ITGA9: variants seen among roughly 807,000 people sequenced by gnomAD.
The protein encoded by ITGA9 is integrin alpha-9.
In ITGA9, 56 loss-of-function variants were observed where a neutral mutation model predicts 127.8. The observed-to-expected ratio is 0.44, with a 90% CI of 0.35 to 0.55. ITGA9 has a LOEUF of 0.55. ITGA9 is among the 20% of genes least tolerant of loss of function. ITGA9 has a pLI of 0.00. For synonymous variants in ITGA9, 508 were observed against 514.5 expected, an observed-to-expected ratio of 0.99 and a Z score of 0.17; for missense variants, 1,196 against 1,347.1, an observed-to-expected ratio of 0.89 and a Z score of 1.76.
chr3:37,674,021 T>C (rs1370965569), intron 17 of ITGA9, among the ~76,000 whole-genome samples: 1 of 152,254 alleles, frequency 6.6e-6, no homozygotes, highest in Non-Finnish European at 1.5e-5. Context: ...TAATACTGTT[T>C]GTTTACAGAT....
At chr3:37,622,029 G>C (rs1700133291) in intron 15 of ITGA9, among the ~76,000 whole-genome samples, 1 of 151,990 alleles carries the variant, frequency 6.6e-6, no homozygotes. Context: ...TCTGGTTGAA[G>C]TTCTGTCTTA....
chr3:37,565,724 G>C (rs748808710), intron 15 of ITGA9, among the ~76,000 whole-genome samples: 2 of 152,192 alleles, frequency 1.3e-5, no homozygotes, highest in Non-Finnish European at 2.9e-5. Flanking sequence ...ATCACAAATA[G>C]ATTGCTAGGC....
intron 16 of ITGA9, among the ~76,000 whole-genome samples, chr3:37,634,689 T>C (rs766541926): frequency 2.6e-5 from 4 of 152,162 alleles, no homozygotes; most frequent in Admixed American, 6.5e-5. Context: ...AATGGACAGA[T>C]CATCCAGACA....
At chr3:37,787,833 A>G (rs532413842) in intron 26 of ITGA9, among the ~76,000 whole-genome samples, 3 of 152,216 alleles carry the variant, frequency 2.0e-5, no homozygotes, top group Non-Finnish European at 4.4e-5. Context: ...CTTGGAAGGA[A>G]CAGGAAATGT....
intron 18 of ITGA9, among the ~76,000 whole-genome samples, chr3:37,723,354 A>T (rs1701212259): frequency 6.6e-6 from 1 of 151,534 alleles, no homozygotes; most frequent in Non-Finnish European, 1.5e-5. Context: ...TGTAATTATT[A>T]TTATTATTTT....
intron 4 of ITGA9, among the ~76,000 whole-genome samples, chr3:37,482,454 C>T (rs1022104266): frequency 1.1e-4 from 16 of 152,178 alleles, no homozygotes; most frequent in South Asian, 2.1e-4. Flanking sequence ...TTTGATAGCT[C>T]GTAGTTTCAA....
intron 11 of ITGA9, among the ~76,000 whole-genome samples, chr3:37,522,040 C>A (rs1348809435): frequency 6.6e-6 from 1 of 152,034 alleles, no homozygotes. Flanking sequence ...GTGCCTCCAT[C>A]TGTAGATCCT....
chr3:37,569,056 C>T (rs545678000), intron 15 of ITGA9, among the ~76,000 whole-genome samples: 1 of 152,244 alleles, frequency 6.6e-6, no homozygotes, highest in South Asian at 2.1e-4. Flanking sequence ...TGTATTAGTC[C>T]ATTTTTACAC....
intron 15 of ITGA9, among the ~76,000 whole-genome samples, chr3:37,584,667 A>C (rs1314933981): frequency 6.6e-6 from 1 of 152,080 alleles, no homozygotes; most frequent in East Asian, 1.9e-4. Flanking sequence ...AGTCAGGAGA[A>C]TTGCTTGAAC....
intron 18 of ITGA9, among the ~76,000 whole-genome samples, chr3:37,686,843 G>A (rs1305128837): frequency 6.6e-6 from 1 of 152,124 alleles, no homozygotes; most frequent in Non-Finnish European, 1.5e-5. Flanking sequence ...CAGGACTCCA[G>A]CCACGCTGCA....
chr3:37,655,506 G>T (rs1181383020), intron 17 of ITGA9, among the ~76,000 whole-genome samples: 1 of 152,166 alleles, frequency 6.6e-6, no homozygotes, highest in African/African-American at 2.4e-5. Context: ...TTTGAGAAGT[G>T]TCTGTTCATA....
intron 23 of ITGA9, among the ~76,000 whole-genome samples, chr3:37,767,276 C>T (rs560350257): frequency 6.6e-6 from 1 of 152,332 alleles, no homozygotes; most frequent in African/African-American, 2.4e-5. Flanking sequence ...GGTCTGGAGG[C>T]TTTGCCCCTT....
At chr3:37,694,694 C>T (rs1387589021) in intron 18 of ITGA9, among the ~76,000 whole-genome samples, 1 of 151,890 alleles carries the variant, frequency 6.6e-6, no homozygotes, top group Non-Finnish European at 1.5e-5. Context: ...ATGTGTTAAA[C>T]CTCTAGATTT....
chr3:37,700,262 G>A (rs1035262219), intron 18 of ITGA9, among the ~76,000 whole-genome samples: 14 of 152,164 alleles, frequency 9.2e-5, no homozygotes, highest in Admixed American at 6.5e-5. Flanking sequence ...GGGATGACAG[G>A]TGTGAGCCAC....
chr3:37,463,514 TG>T (rs1579041046), intron 1 of ITGA9, among the ~76,000 whole-genome samples: 1 of 152,188 alleles, frequency 6.6e-6, no homozygotes, highest in East Asian at 1.9e-4. Context: ...CTTGTACACA[TG>T]GTGGTTGGGT....
At chr3:37,684,977 C>G (rs1182477185) in intron 18 of ITGA9, among the ~76,000 whole-genome samples, 3 of 152,154 alleles carry the variant, frequency 2.0e-5, no homozygotes, top group African/African-American at 7.2e-5. Context: ...CAAGGGGGAA[C>G]AAGTGGACAA....
chr3:37,784,719 C>T (rs1224682849), intron 25 of ITGA9, among the ~76,000 whole-genome samples: 1 of 152,214 alleles, frequency 6.6e-6, no homozygotes, highest in African/African-American at 2.4e-5. Context: ...TTGGAAACCA[C>T]AGCACACATC....
chr3:37,813,378 T>C (rs113583836), intron 27 of ITGA9, among the ~76,000 whole-genome samples: 7,810 of 152,282 alleles, frequency 0.051, 606 homozygotes, highest in African/African-American at 0.17. Flanking sequence ...TTAGTGTTTA[T>C]CTTTAGTCTT....
At chr3:37,761,146 T>C (rs1027466563) in intron 23 of ITGA9, among the ~76,000 whole-genome samples, 3 of 152,212 alleles carry the variant, frequency 2.0e-5, no homozygotes, top group Non-Finnish European at 4.4e-5. Flanking sequence ...GCCTCACTGG[T>C]AATCAGAGCA....
Sources: gnomAD v4.1 joint callset for allele counts (sites outside exome capture counted in the v4.1 genomes callset) on GRCh38, gnomAD v4.1.1 for gene constraint, MANE v1.5 for transcripts, NCBI Gene and HGNC (gene_info 2026-07-23, HGNC 2026-07-21) for gene names.